Variants in DNAH7 observed in about 807,000 individuals in gnomAD.
DNAH7 encodes dynein axonemal heavy chain 7.
In DNAH7, 397 loss-of-function variants were observed where a neutral mutation model predicts 444.6. That is an observed-to-expected ratio of 0.89 (90% CI 0.82 to 0.97). DNAH7 has a LOEUF of 0.97. Ranked by LOEUF, DNAH7 falls within the 50% of genes least tolerant of loss-of-function variation. DNAH7 has a pLI of 0.00. For missense variants in DNAH7, 4,902 were observed against 4,800.8 expected (o/e 1.02, Z -0.62); for synonymous variants, 1,636 against 1,624.4 (o/e 1.01, Z -0.17).
At chr2:195,841,218 CTCTT>C (rs1698664119) in intron 47 of DNAH7, among the ~76,000 whole-genome samples, 2 of 151,354 alleles carry the variant, frequency 1.3e-5, no homozygotes, top group Admixed American at 1.3e-4. Flanking sequence ...TATTTTCTCT[CTCTT>C]TCTCTTTCTC....
At chr2:195,775,585 T>A (rs1305395678) in intron 60 of DNAH7, among the ~76,000 whole-genome samples, 1 of 148,166 alleles carries the variant, frequency 6.7e-6, no homozygotes, top group Admixed American at 6.8e-5. Context: ...AAAGGCAAAA[T>A]GAAACTCCTA....
At chr2:195,999,764 G>C (rs1048508534) in intron 12 of DNAH7, among the ~76,000 whole-genome samples, 1 of 151,938 alleles carries the variant, frequency 6.6e-6, no homozygotes, top group Non-Finnish European at 1.5e-5. Flanking sequence ...TCAATGAAAA[G>C]GATATCCTCA....
chr2:195,895,329 T>C (rs1036834519), intron 29 of DNAH7, 105 bp from the exon 30 acceptor site: 7 of 725,000 alleles, frequency 9.7e-6, no homozygotes, highest in Non-Finnish European at 2.1e-6. Context: ...AGTTCAACAA[T>C]ATTTTTAACA....
At chr2:195,989,887 A>C (rs1693184793) in intron 12 of DNAH7, among the ~76,000 whole-genome samples, 2 of 152,200 alleles carry the variant, frequency 1.3e-5, no homozygotes, top group Non-Finnish European at 2.9e-5. Flanking sequence ...AGATGCAAGC[A>C]TTATGCTTAC....
Position 195,936,767 on chromosome 2 carries a change from G to A in DNAH7, c.3104C>T (p.Thr1035Ile), listed in dbSNP as rs368612455. The change falls in exon 20 of 65, where the codon ACC (threonine) becomes ATC (isoleucine). Residue 1035 changes from threonine (T) to isoleucine (I), a missense_variant. Transcript: ENST00000312428. Reference sequence around the variant, plus strand: ...CAGCCTTTCCAGCATTCTGTCAATGGTTACAACTGTCAGAACATGTTTATC... The same window carrying A: ...CAGCCTTTCCAGCATTCTGTCAATGATTACAACTGTCAGAACATGTTTATC... The part of the protein sequence containing the change: ...MQDKHVLTVV[T>I]IDRMLERLKK... The A allele has an allele frequency of 1.9e-4, 288 of 1,555,130 alleles. 1 individual carries two copies. The highest frequency in any genetic ancestry group is 1.2e-3 in the South Asian group (92 of 77,138).
chr2:196,049,285 A>G (rs140269183), intron 3 of DNAH7, among the ~76,000 whole-genome samples: 1 of 152,342 alleles, frequency 6.6e-6, no homozygotes, highest in East Asian at 1.9e-4. Flanking sequence ...TTACACAGGA[A>G]AATAGGATAA....
chr2:195,857,683 C>A lies in DNAH7; in HGVS notation c.8108G>T (p.Gly2703Val), dbSNP rs921008520. 1 of 1,612,368 alleles carries A rather than the reference C, an allele frequency of 6.2e-7. No individual in the cohort carries two copies. Residue 2703 changes from glycine (G) to valine (V), a missense_variant, in exon 44 of 65, where the codon GGT becomes GTT. By Grantham distance (109) the Gly-to-Val change is moderately radical. Coordinates refer to ENST00000312428, the MANE Select transcript of DNAH7 (RefSeq NM_018897.3). ...TATAGCTTCCATAACAAGCTTGACACCAGCAGGAGGACTCTTCATGGATTT... is the reference window on the plus strand; with the variant it reads ...TATAGCTTCCATAACAAGCTTGACAACAGCAGGAGGACTCTTCATGGATTT... ...VVKSMKSPPA[G>V]VKLVMEAICI...
At chr2:195,971,738 A>C (rs1307844296) in intron 16 of DNAH7, among the ~76,000 whole-genome samples, 2 of 152,050 alleles carry the variant, frequency 1.3e-5, no homozygotes, top group South Asian at 2.1e-4. Flanking sequence ...AAATGGGCAA[A>C]TCATAAATCA....
intron 19 of DNAH7, among the ~76,000 whole-genome samples, chr2:195,938,540 C>T (rs1190724364): frequency 6.6e-6 from 1 of 152,084 alleles, no homozygotes; most frequent in African/African-American, 2.4e-5. Context: ...TCCTTTCACA[C>T]ATGAACAGTA....
chr2:195,832,487 G>C (rs1394865548), intron 48 of DNAH7, among the ~76,000 whole-genome samples: 3 of 151,038 alleles, frequency 2.0e-5, no homozygotes, highest in Admixed American at 6.6e-5. Context: ...GTGTTGCCCA[G>C]GTTGGAGTGC....
At chr2:195,804,663 TG>T (rs1161595665) in intron 54 of DNAH7, among the ~76,000 whole-genome samples, 1 of 152,136 alleles carries the variant, frequency 6.6e-6, no homozygotes, top group Non-Finnish European at 1.5e-5. Flanking sequence ...TCCACTATTT[TG>T]ATGGCAGGGA....
intron 19 of DNAH7, among the ~76,000 whole-genome samples, chr2:195,940,429 G>T (rs1440339759): frequency 6.6e-6 from 1 of 152,088 alleles, no homozygotes; most frequent in Non-Finnish European, 1.5e-5. Flanking sequence ...CCTAGAAAAA[G>T]AAAACCTAGG....
At chr2:195,845,849 A>G (rs905614688) in intron 46 of DNAH7, among the ~76,000 whole-genome samples, 2 of 152,262 alleles carry the variant, frequency 1.3e-5, no homozygotes, top group African/African-American at 4.8e-5. Flanking sequence ...GCCATATACA[A>G]AAATCAACTC....
rs1559347699 is a variant in DNAH7, at chr2:196,026,686, GTAT to G, written c.667+71_667+73del. 3 of 1,007,336 alleles carry G rather than the reference GTAT, an allele frequency of 3.0e-6. No individual in the cohort carries two copies. In the South Asian group the frequency reaches 5.1e-5, roughly 17 times the overall value. 62.4% of individuals were successfully genotyped at this position (1,007,336 alleles called of 1,614,324 possible). A position where few individuals can be genotyped will look rare whatever the true frequency, so the allele number is the denominator to read the frequency against. ...ATATTGTGACTAGTTTCAAGTATAG[GTAT>G]TATTAATACAAAAATAATCTTTAAT... On this transcript the variant is annotated intron_variant, in intron 7 of 64. Transcript: ENST00000312428.
chr2:195,770,027 C>T (rs2105936556), intron 61 of DNAH7, among the ~76,000 whole-genome samples: 1 of 152,294 alleles, frequency 6.6e-6, no homozygotes, highest in South Asian at 2.1e-4. Context: ...TTTCCACTTG[C>T]TTAGGCCAAA....
In DNAH7 at chr2:195,834,288, T is replaced by C. The variant is rs776074979; in HGVS notation, c.9018A>G (p.Lys3006=). The stretch of plus-strand genomic sequence containing the variant: ...GTTTAATCACATAAAGACTATTGGC[T>C]TTTTCCATGTTCTTGATCCATTTAT... ...QANKWIKNME[K]ANSLYVIKLS... Residue 3006 remains lysine, a synonymous_variant, in exon 48 of 65, where the codon AAA becomes AAG. Coordinates refer to ENST00000312428, the MANE Select transcript of DNAH7 (RefSeq NM_018897.3). 284 of 1,608,570 alleles carry C rather than the reference T, an allele frequency of 1.8e-4. No individual in the cohort carries two copies. The highest frequency in any genetic ancestry group is 2.3e-4 in the Non-Finnish European group (270 of 1,175,598).
chr2:195,996,714 C>T (rs1365536180), intron 12 of DNAH7, among the ~76,000 whole-genome samples: 2 of 152,176 alleles, frequency 1.3e-5, no homozygotes, highest in African/African-American at 4.8e-5. Flanking sequence ...GCATGAGCCA[C>T]CATGCCCGTC....
chr2:195,835,872 A>G (rs1426616131), intron 47 of DNAH7, among the ~76,000 whole-genome samples: 1 of 152,084 alleles, frequency 6.6e-6, no homozygotes, highest in Non-Finnish European at 1.5e-5. Flanking sequence ...ACAAACAAAA[A>G]TGTAGCTTAG....
intron 48 of DNAH7, among the ~76,000 whole-genome samples, chr2:195,828,963 G>C (rs1480061048): frequency 6.6e-6 from 1 of 152,032 alleles, no homozygotes; most frequent in East Asian, 1.9e-4. Context: ...TCTAGGTTAA[G>C]TATTGTTTTC....
Sources: allele counts gnomAD v4.1 joint callset (sites outside exome capture counted in the v4.1 genomes callset), GRCh38; gene constraint gnomAD v4.1.1; transcripts MANE v1.5; gene names NCBI Gene and HGNC (gene_info 2026-07-23, HGNC 2026-07-21).